The following TOGARAM1 variants were observed in gnomAD, a reference collection of about 807,000 sequenced individuals.
TOGARAM1 encodes TOG array regulator of axonemal microtubules protein 1.
A neutral mutation model predicts 166.6 loss-of-function variants in TOGARAM1; 100 were observed. The observed-to-expected ratio is 0.60, with a 90% CI of 0.51 to 0.71. TOGARAM1 has a LOEUF of 0.71. Among genes scored for constraint, TOGARAM1 ranks in the 30% least tolerant of loss-of-function variants. The probability of loss-of-function intolerance (pLI) is 0.00; values close to 1 mark genes in which losing one functional copy is unlikely to be tolerated. For synonymous variants in TOGARAM1, 758 were observed against 763.8 expected (o/e 0.99, Z 0.13); for missense variants, 2,029 against 2,102.7 (o/e 0.96, Z 0.69).
intron 14 of TOGARAM1, among the ~76,000 whole-genome samples, chr14:45,049,716 G>A (rs1220751715): frequency 2.6e-5 from 4 of 151,870 alleles, no homozygotes; most frequent in Non-Finnish European, 5.9e-5. Context: ...GACATCTTTG[G>A]GGAACCATTT....
chr14:44,975,709 C>T (rs1259796661), intron 1 of TOGARAM1, among the ~76,000 whole-genome samples: 2 of 151,530 alleles, frequency 1.3e-5, no homozygotes, highest in Non-Finnish European at 2.9e-5. Flanking sequence ...TCAGGTGATC[C>T]ACCTGCCTCA....
At chr14:44,978,990 C>T (rs1886376522) in intron 1 of TOGARAM1, among the ~76,000 whole-genome samples, 1 of 148,406 alleles carries the variant, frequency 6.7e-6, no homozygotes, top group Non-Finnish European at 1.5e-5. Context: ...TTTTTAATGT[C>T]ACTAACCAAT....
chr14:45,053,177 T>G (rs1882463705), intron 15 of TOGARAM1, among the ~76,000 whole-genome samples: 1 of 152,020 alleles, frequency 6.6e-6, no homozygotes, highest in Non-Finnish European at 1.5e-5. Flanking sequence ...TAGCTGGGAT[T>G]ACAGGTGCCC....
chr14:45,004,053 T>C lies in TOGARAM1; in HGVS notation c.2339-8T>C, dbSNP rs1363280938. 1.9e-6 allele frequency: 3 copies of C among 1,605,768 alleles called. No homozygotes were observed. On this transcript the variant is annotated splice_polypyrimidine_tract_variant and splice_region_variant and intron_variant, in intron 3 of 19. Transcript: ENST00000361462. ...ATAAATAATATATTATCTTTTGTTT[T>C]ATTACAGTGTATGCTAGCCTCAATT...
chr14:45,052,700 C>A, intron 15 of TOGARAM1, 138 bp downstream of exon 15: 2 of 722,844 alleles, frequency 2.8e-6, no homozygotes, highest in Non-Finnish European at 4.3e-6. Flanking sequence ...TCTGCAATAG[C>A]ATTTCAACAA....
intron 16 of TOGARAM1, among the ~76,000 whole-genome samples, chr14:45,056,298 A>G (rs954112307): frequency 6.6e-6 from 1 of 152,092 alleles, no homozygotes; most frequent in Admixed American, 6.6e-5. Context: ...GGTTTTCTAG[A>G]TATAAGATCA....
chr14:44,967,481 A>C (rs146213742), intron 1 of TOGARAM1, among the ~76,000 whole-genome samples: 86 of 152,300 alleles, frequency 5.6e-4, no homozygotes, highest in African/African-American at 1.9e-3. Flanking sequence ...TTTGTGGTCA[A>C]ACTTTTCTTA....
chr14:44,971,105 A>G (rs61998158), intron 1 of TOGARAM1, among the ~76,000 whole-genome samples: 17,248 of 152,046 alleles, frequency 0.11, 1,121 homozygotes, highest in Middle Eastern at 0.29. Flanking sequence ...CCCTGCTTCT[A>G]TATTCTGAAG....
chr14:44,999,881 C>G (rs915073480), intron 3 of TOGARAM1, among the ~76,000 whole-genome samples: 1 of 152,144 alleles, frequency 6.6e-6, no homozygotes, highest in Non-Finnish European at 1.5e-5. Flanking sequence ...GGGAACATTA[C>G]AAATCTACTC....
At position 44,982,027 on chromosome 14, in the gene TOGARAM1, G is replaced by C. The variant is rs374846303; in HGVS notation, c.2047-13719G>C. Reference sequence around the variant, plus strand: ...CTAGCTAATTTTTGTATTTTCAGTAGAGGTGGGGTTTTGCTATGTTGGCCA... The same window carrying C: ...CTAGCTAATTTTTGTATTTTCAGTACAGGTGGGGTTTTGCTATGTTGGCCA... On this transcript the variant is annotated intron_variant, in intron 1 of 19. Coordinates refer to ENST00000361462, the MANE Select transcript of TOGARAM1 (RefSeq NM_001308120.2). 1.4e-4 allele frequency among the ~76,000 whole-genome samples: 21 copies of C among 152,078 alleles called. No homozygotes were observed. In the East Asian group the frequency reaches 3.7e-3, roughly 27 times the overall value.
At chr14:45,066,969 G>A (rs1883167733) in intron 17 of TOGARAM1, among the ~76,000 whole-genome samples, 8 of 152,038 alleles carry the variant, frequency 5.3e-5, no homozygotes, top group Admixed American at 5.2e-4. Context: ...GTCAAATGAA[G>A]TTTATCAGTT....
At position 45,073,545 on chromosome 14, in the gene TOGARAM1, T is replaced by G. The variant is rs1379738389; in HGVS notation, c.5306T>G (p.Ile1769Ser). The G allele has an allele frequency of 1.2e-6, 2 of 1,612,862 alleles. No homozygotes were observed. Among genetic ancestry groups the G allele is most frequent in the Non-Finnish European group, 1.7e-6 (2 of 1,179,504 alleles). ...TTGGAGGAATTACTCGATATGACAA[T>G]TTTAAATGAATTATGAATCTTCGAT... ...KSLEELLDMT[I>S]LNEL Residue 1769 changes from isoleucine (I) to serine (S), a missense_variant, in exon 20 of 20, where the codon ATT (isoleucine) becomes AGT (serine). Ile to Ser is a moderately radical substitution (Grantham distance 142). Coordinates refer to ENST00000361462, the MANE Select transcript of TOGARAM1 (RefSeq NM_001308120.2).
intron 16 of TOGARAM1, among the ~76,000 whole-genome samples, chr14:45,058,838 G>A (rs932339077): frequency 2.6e-5 from 4 of 152,006 alleles, no homozygotes; most frequent in Admixed American, 2.0e-4. Flanking sequence ...CTCTGTTTTC[G>A]TGGTTTGGTG....
At chr14:44,986,962 G>T (rs1387513624) in intron 1 of TOGARAM1, among the ~76,000 whole-genome samples, 1 of 146,182 alleles carries the variant, frequency 6.8e-6, no homozygotes, top group Admixed American at 7.0e-5. Context: ...CCGAGATTGC[G>T]CCACTGCACT....
Position 45,068,616 on chromosome 14 carries a change from G to C in TOGARAM1, c.4942G>C (p.Val1648Leu). Residue 1648 changes from valine (V) to leucine (L), a missense_variant, in exon 18 of 20, where the codon GTT becomes CTT. Coordinates refer to ENST00000361462, the MANE Select transcript of TOGARAM1 (RefSeq NM_001308120.2). The part of the protein sequence containing the change: ...NPGIYAAATN[V>L]VQALSQHVDN... ...AGGCATCTATGCGGCTGCTACAAAT[G>C]TTGTTCAGGCACTGAGTCAGCATGT... 6.2e-7 allele frequency: 1 copy of C among 1,610,034 alleles called. No homozygotes were observed. Among genetic ancestry groups the C allele is most frequent in the East Asian group, 2.2e-5 (1 of 44,676 alleles).
At position 45,048,806 on chromosome 14, in the gene TOGARAM1, G is replaced by A. The variant is rs574767251; in HGVS notation, c.4313+2103G>A. Among the ~76,000 whole-genome samples, 8 of 151,706 alleles carry A rather than the reference G, an allele frequency of 5.3e-5. No homozygotes were observed. The East Asian group carries it at 5.8e-4, about 11-fold the overall frequency. ...AGCCTAAACAACATGATGAAACCCC[G>A]TCTCTATTAAAAATACAAAAATTAG... On this transcript the variant is annotated intron_variant, in intron 14 of 19. Coordinates refer to ENST00000361462, the MANE Select transcript of TOGARAM1 (RefSeq NM_001308120.2).
At chr14:45,059,762 A>G (rs919573591) in intron 16 of TOGARAM1, among the ~76,000 whole-genome samples, 1 of 152,210 alleles carries the variant, frequency 6.6e-6, no homozygotes, top group Non-Finnish European at 1.5e-5. Context: ...TATTTTCTGT[A>G]TTTGTTTATC....
chr14:45,060,566 A>G (rs751435477), intron 16 of TOGARAM1, among the ~76,000 whole-genome samples: 1 of 152,142 alleles, frequency 6.6e-6, no homozygotes, highest in African/African-American at 2.4e-5. Flanking sequence ...AAGAATTGGT[A>G]ATTTTTCTAC....
intron 11 of TOGARAM1, 70 bp from the exon 12 acceptor site, chr14:45,043,616 A>G: frequency 1.1e-6 from 1 of 879,294 alleles, no homozygotes; most frequent in East Asian, 2.4e-5. Flanking sequence ...CACAGAAAAT[A>G]AGACATTTGT....
Sources: gnomAD v4.1 joint callset for allele counts (sites outside exome capture counted in the v4.1 genomes callset) on GRCh38, gnomAD v4.1.1 for gene constraint, MANE v1.5 for transcripts, NCBI Gene and HGNC (gene_info 2026-07-23, HGNC 2026-07-21) for gene names.